The following ELOVL7 variants were observed in gnomAD, a reference collection of about 807,000 sequenced individuals.
ELOVL7 encodes very long chain fatty acid elongase 7.
Under a neutral mutation model 35.7 loss-of-function variants are expected in ELOVL7, and 27 were observed. The observed-to-expected ratio is 0.76, with a 90% CI of 0.56 to 1.04. The LOEUF (loss-of-function observed/expected upper bound fraction) is 1.04. ELOVL7 is among the 50% of genes least tolerant of loss of function. ELOVL7 has a pLI of 0.00. For missense variants in ELOVL7, 327 were observed against 340.8 expected (o/e 0.96, Z 0.32); for synonymous variants, 113 against 114.6 (o/e 0.99, Z 0.09).
intron 1 of ELOVL7, among the ~76,000 whole-genome samples, chr5:60,817,679 C>CACACACACCATAT (rs1745599656): frequency 7.1e-6 from 1 of 141,428 alleles, no homozygotes; most frequent in East Asian, 2.1e-4. Context: ...CACATATATA[C>CACACACACCATAT]ACACACACCA....
intron 1 of ELOVL7, among the ~76,000 whole-genome samples, chr5:60,816,038 T>G (rs946124567): frequency 2.6e-5 from 4 of 152,170 alleles, no homozygotes; most frequent in Non-Finnish European, 5.9e-5. Flanking sequence ...CTTTAATCCT[T>G]GAGTCTCTAT....
intron 2 of ELOVL7, among the ~76,000 whole-genome samples, chr5:60,793,593 T>C (rs1278238371): frequency 1.3e-5 from 2 of 152,206 alleles, no homozygotes; most frequent in Admixed American, 1.3e-4. Context: ...GCAAGGGTAA[T>C]GTCTTATCCT....
intron 1 of ELOVL7, among the ~76,000 whole-genome samples, chr5:60,823,829 TG>T (rs887490200): frequency 5.9e-5 from 9 of 152,200 alleles, no homozygotes; most frequent in Non-Finnish European, 1.3e-4. Context: ...CTCTGTAGCC[TG>T]GGCTCCAGGA....
intron 1 of ELOVL7, among the ~76,000 whole-genome samples, chr5:60,822,215 T>A (rs1037709255): frequency 6.6e-6 from 1 of 152,218 alleles, no homozygotes; most frequent in Non-Finnish European, 1.5e-5. Flanking sequence ...TCAAATGCAC[T>A]GAGAAAGGAG....
At chr5:60,823,609 C>G (rs1276684641) in intron 1 of ELOVL7, among the ~76,000 whole-genome samples, 1 of 152,054 alleles carries the variant, frequency 6.6e-6, no homozygotes, top group Non-Finnish European at 1.5e-5. Flanking sequence ...GGATCAATTG[C>G]CAAGGGTTTA....
intron 2 of ELOVL7, among the ~76,000 whole-genome samples, chr5:60,788,326 T>G (rs1561443176): frequency 1.3e-5 from 2 of 152,246 alleles, no homozygotes; most frequent in East Asian, 3.9e-4. Flanking sequence ...GGTGGGAACA[T>G]GTAAAAGTTC....
chr5:60,777,382 TA>T (rs145182645), intron 3 of ELOVL7, among the ~76,000 whole-genome samples: 3,079 of 150,834 alleles, frequency 0.02, 118 homozygotes, highest in African/African-American at 0.071. Flanking sequence ...CCGCAAAAAT[TA>T]AAAAAAAAAT....
intron 3 of ELOVL7, among the ~76,000 whole-genome samples, chr5:60,773,140 A>C (rs1234872062): frequency 2.6e-5 from 4 of 152,238 alleles, no homozygotes; most frequent in Non-Finnish European, 5.9e-5. Flanking sequence ...AATGTGATTA[A>C]GTCTATAATT....
At chr5:60,768,968 A>G (rs1404512879) in intron 4 of ELOVL7, among the ~76,000 whole-genome samples, 2 of 152,214 alleles carry the variant, frequency 1.3e-5, no homozygotes, top group Non-Finnish European at 2.9e-5. Flanking sequence ...TAATATTCTG[A>G]TTGTGTAAAG....
chr5:60,761,176 G>A (rs933872434), intron 7 of ELOVL7, among the ~76,000 whole-genome samples: 68 of 152,022 alleles, frequency 4.5e-4, no homozygotes, highest in African/African-American at 1.5e-3. Context: ...AATGAATTAC[G>A]ATTAGTACCA....
chr5:60,788,314 G>C (rs187021799), intron 2 of ELOVL7, among the ~76,000 whole-genome samples: 25 of 152,292 alleles, frequency 1.6e-4, no homozygotes, highest in Non-Finnish European at 2.9e-4. Flanking sequence ...TCAAAGCCAT[G>C]TGGTGGGAAC....
At position 60,753,950 on chromosome 5, in the gene ELOVL7, C is replaced by T. The variant is rs1741384421; in HGVS notation, c.*674G>A. The T allele has an allele frequency of 6.6e-6, 1 of 152,242 alleles. No individual in the cohort carries two copies. Among genetic ancestry groups the T allele is most frequent in the African/African-American group, 2.4e-5 (1 of 41,464 alleles). The allele number at this position is 152,242 out of a possible 1,614,324, so 9.4% of individuals were successfully genotyped here. On this transcript the variant is annotated 3_prime_UTR_variant, in exon 9 of 9. Transcript: ENST00000508821. ...TGAATGAAACTTGGTATCAAGTGTA[C>T]TAACCCAAAGGATTGCTACTTTGAA...
At chr5:60,807,046 G>T (rs1257195492) in intron 1 of ELOVL7, among the ~76,000 whole-genome samples, 1 of 152,200 alleles carries the variant, frequency 6.6e-6, no homozygotes, top group Non-Finnish European at 1.5e-5. Context: ...ACACGGCAGG[G>T]TTCCTAACCC....
At chr5:60,763,911 T>A (rs531691975) in intron 7 of ELOVL7, among the ~76,000 whole-genome samples, 1 of 152,248 alleles carries the variant, frequency 6.6e-6, no homozygotes, top group East Asian at 1.9e-4. Flanking sequence ...TTTTTACCAT[T>A]TGATTTATTT....
intron 1 of ELOVL7, among the ~76,000 whole-genome samples, chr5:60,837,209 A>G (rs959237356): frequency 6.7e-6 from 1 of 149,042 alleles, no homozygotes. Flanking sequence ...TGAGGCGGGC[A>G]GATCACCTGA....
intron 1 of ELOVL7, among the ~76,000 whole-genome samples, chr5:60,843,137 G>T (rs983791674): frequency 1.3e-5 from 2 of 152,018 alleles, no homozygotes; most frequent in African/African-American, 4.8e-5. Flanking sequence ...GCTTTCCGAG[G>T]GGAGATCGTA....
chr5:60,759,835 G>C (rs1018315943), intron 7 of ELOVL7, among the ~76,000 whole-genome samples: 59 of 151,364 alleles, frequency 3.9e-4, no homozygotes, highest in African/African-American at 1.4e-3. Flanking sequence ...TCCCCCTCCT[G>C]TGTCCATGTG....
At chr5:60,763,396 C>T (rs1320463879) in intron 7 of ELOVL7, among the ~76,000 whole-genome samples, 1 of 152,132 alleles carries the variant, frequency 6.6e-6, no homozygotes, top group Non-Finnish European at 1.5e-5. Flanking sequence ...GTGGTTCCCC[C>T]TTTCTTTTAG....
intron 8 of ELOVL7, 70 bp from the exon 9 acceptor site, chr5:60,754,903 T>C: frequency 1.5e-6 from 2 of 1,329,844 alleles, no homozygotes; most frequent in Admixed American, 3.8e-5. Flanking sequence ...CTACCTATGT[T>C]TATGCACTCC....
Sources: allele counts gnomAD v4.1 joint callset (sites outside exome capture counted in the v4.1 genomes callset), GRCh38; gene constraint gnomAD v4.1.1; transcripts MANE v1.5; gene names NCBI Gene and HGNC (gene_info 2026-07-23, HGNC 2026-07-21).